Variants in ZNF385D observed in about 807,000 individuals in gnomAD.
The protein encoded by ZNF385D is zinc finger protein 385D.
Under a neutral mutation model 35.8 loss-of-function variants are expected in ZNF385D, and 15 were observed. The observed-to-expected ratio is 0.42, with a 90% confidence interval of 0.28 to 0.64. The LOEUF (loss-of-function observed/expected upper bound fraction) is 0.64. Ranked by LOEUF, ZNF385D falls within the 30% of genes least tolerant of loss-of-function variation. The pLI is 0.23. For synonymous variants in ZNF385D, 212 were observed against 186.8 expected, an observed-to-expected ratio of 1.13 and a Z score of -1.10; for missense variants, 474 against 494.6, an observed-to-expected ratio of 0.96 and a Z score of 0.39.
At chr3:21,710,237 T>C (rs1163203048) in intron 1 of ZNF385D, among the ~76,000 whole-genome samples, 1 of 152,176 alleles carries the variant, frequency 6.6e-6, no homozygotes, top group African/African-American at 2.4e-5. Context: ...ATAGACTGCA[T>C]GCATTTGTCA....
At chr3:21,996,237 T>A (rs764444619) in intron 3 of ZNF385D, among the ~76,000 whole-genome samples, 4 of 152,132 alleles carry the variant, frequency 2.6e-5, no homozygotes, top group Non-Finnish European at 4.4e-5. Flanking sequence ...TCCACAAGCA[T>A]CAAGGGACTC....
At chr3:22,360,888 T>C (rs1459333517) in intron 2 of ZNF385D, among the ~76,000 whole-genome samples, 1 of 152,028 alleles carries the variant, frequency 6.6e-6, no homozygotes, top group Non-Finnish European at 1.5e-5. Context: ...ACATTTTTGT[T>C]TCTTTCAGGT....
chr3:21,867,318 A>G (rs1697423307), intron 3 of ZNF385D, among the ~76,000 whole-genome samples: 1 of 152,062 alleles, frequency 6.6e-6, no homozygotes, highest in Admixed American at 6.6e-5. Context: ...TAACACATGA[A>G]TTTGGAGGGA....
intron 1 of ZNF385D, among the ~76,000 whole-genome samples, chr3:21,703,110 T>C (rs1452450607): frequency 6.6e-6 from 1 of 152,132 alleles, no homozygotes; most frequent in Non-Finnish European, 1.5e-5. Flanking sequence ...ACGCTGCTGA[T>C]AAAGACATAC....
Position 21,421,454 on chromosome 3 carries a change from G to A in ZNF385D, c.955-7C>T. 1 of 1,594,650 alleles carries A rather than the reference G, an allele frequency of 6.3e-7. No individual in the cohort carries two copies. Among genetic ancestry groups the A allele is most frequent in the Non-Finnish European group, 8.6e-7 (1 of 1,166,494 alleles). ...TTGAAAATACTAATTTTACCTGCAA[G>A]GGAGAAAAAATATTGTAAAAAAAAC... On this transcript the variant is annotated splice_polypyrimidine_tract_variant and splice_region_variant and intron_variant, in intron 7 of 7. Transcript: ENST00000281523.
At chr3:21,776,516 C>T (rs2071295685) in intron 3 of ZNF385D, among the ~76,000 whole-genome samples, 1 of 151,934 alleles carries the variant, frequency 6.6e-6, no homozygotes, top group Non-Finnish European at 1.5e-5. Context: ...TTGTATTTAT[C>T]ATTCTTTTAT....
At chr3:21,897,793 A>G (rs962115538) in intron 3 of ZNF385D, among the ~76,000 whole-genome samples, 3 of 152,166 alleles carry the variant, frequency 2.0e-5, no homozygotes, top group Non-Finnish European at 4.4e-5. Context: ...AACTTCATAT[A>G]GATGCATTCA....
At chr3:22,033,232 T>A (rs1698112378) in intron 3 of ZNF385D, among the ~76,000 whole-genome samples, 1 of 151,484 alleles carries the variant, frequency 6.6e-6, no homozygotes, top group African/African-American at 2.4e-5. Context: ...TGGAACCCTG[T>A]CTCTACTAAA....
At chr3:21,468,342 C>T (rs377506662) in intron 4 of ZNF385D, among the ~76,000 whole-genome samples, 1 of 141,804 alleles carries the variant, frequency 7.1e-6, no homozygotes, top group African/African-American at 2.7e-5. Context: ...GCAGAGGTTG[C>T]ACTGAGCCAA....
intron 4 of ZNF385D, among the ~76,000 whole-genome samples, chr3:21,457,125 T>C (rs1702873730): frequency 6.6e-6 from 1 of 152,118 alleles, no homozygotes. Flanking sequence ...AGATTCCCAA[T>C]AAATATTTCT....
At chr3:22,101,959 G>A (rs1701965812) in intron 3 of ZNF385D, among the ~76,000 whole-genome samples, 1 of 151,322 alleles carries the variant, frequency 6.6e-6, no homozygotes, top group Admixed American at 6.6e-5. Flanking sequence ...CAGAGTCCAA[G>A]TTTCATAGGA....
intron 3 of ZNF385D, among the ~76,000 whole-genome samples, chr3:21,988,749 C>T (rs1484510897): frequency 2.0e-5 from 3 of 151,818 alleles, no homozygotes; most frequent in Admixed American, 6.5e-5. Flanking sequence ...TGGGCAATGG[C>T]GGGCGCCCCT....
intron 2 of ZNF385D, among the ~76,000 whole-genome samples, chr3:22,177,946 G>A: frequency 6.6e-6 from 1 of 152,208 alleles, no homozygotes; most frequent in African/African-American, 2.4e-5. Flanking sequence ...AGTATTCCAT[G>A]GTGTATATGT....
chr3:22,126,858 T>C (rs573364899), intron 3 of ZNF385D, among the ~76,000 whole-genome samples: 4 of 152,284 alleles, frequency 2.6e-5, no homozygotes, highest in Admixed American at 2.6e-4. Flanking sequence ...TTTTCCAGCA[T>C]TGGGTGCATA....
intron 3 of ZNF385D, among the ~76,000 whole-genome samples, chr3:22,047,692 T>C (rs12715024): frequency 0.21 from 32,299 of 152,054 alleles, 3,649 homozygotes; most frequent in South Asian, 0.35. Context: ...ATTGTGAATG[T>C]TTCTTCAATG....
At chr3:22,134,516 T>C (rs974877757) in intron 3 of ZNF385D, 5 of 152,106 alleles carry the variant, frequency 3.3e-5, no homozygotes, top group African/African-American at 1.2e-4. Flanking sequence ...AAAATCTAAC[T>C]GACAATTACA....
intron 2 of ZNF385D, among the ~76,000 whole-genome samples, chr3:22,324,098 A>G (rs997234801): frequency 6.6e-6 from 1 of 152,104 alleles, no homozygotes; most frequent in Non-Finnish European, 1.5e-5. Context: ...AATAATTATA[A>G]CTTGGCGGGG....
At chr3:21,802,552 T>C (rs940341163) in intron 3 of ZNF385D, among the ~76,000 whole-genome samples, 17 of 140,170 alleles carry the variant, frequency 1.2e-4, no homozygotes, top group Non-Finnish European at 2.1e-4. Context: ...TCTACATTGA[T>C]TTAAAAAAAA....
intron 5 of ZNF385D, among the ~76,000 whole-genome samples, chr3:21,433,787 G>T (rs978391363): frequency 6.6e-6 from 1 of 152,138 alleles, no homozygotes; most frequent in Admixed American, 6.6e-5. Flanking sequence ...TATTTTGTTA[G>T]TCTATATTTT....
Sources: allele counts gnomAD v4.1 joint callset (sites outside exome capture counted in the v4.1 genomes callset), GRCh38; gene constraint gnomAD v4.1.1; transcripts MANE v1.5; gene names NCBI Gene and HGNC (gene_info 2026-07-23, HGNC 2026-07-21).